Variants in MYCBP2 observed in about 807,000 individuals in gnomAD.
The protein encoded by MYCBP2 is MYC binding protein 2.
MYCBP2 carries 120 observed loss-of-function variants against 525.3 expected under a neutral mutation model. The observed-to-expected ratio is 0.23, with a 90% CI of 0.20 to 0.27. The LOEUF is 0.27. Ranked by LOEUF, MYCBP2 falls within the 10% of genes least tolerant of loss-of-function variation. The pLI is 1.00. For missense variants in MYCBP2, 4,149 were observed against 5,657.1 expected (o/e 0.73, Z 8.55); for synonymous variants, 1,894 against 1,955.8 (o/e 0.97, Z 0.83).
intron 73 of MYCBP2, 59 bp from the exon 74 acceptor site, chr13:77,062,756 G>A (rs549747269): frequency 5.1e-4 from 671 of 1,320,552 alleles, no homozygotes; most frequent in South Asian, 7.3e-4. Flanking sequence ...ATGAAATGCT[G>A]ACTGTGACAC....
intron 20 of MYCBP2, among the ~76,000 whole-genome samples, chr13:77,221,132 G>A (rs1387140036): frequency 1.3e-5 from 2 of 152,100 alleles, no homozygotes; most frequent in East Asian, 3.8e-4. Flanking sequence ...ATACCACTGT[G>A]TAGATCCTAC....
At chr13:77,321,539 T>C (rs1397469947) in intron 1 of MYCBP2, among the ~76,000 whole-genome samples, 3 of 152,256 alleles carry the variant, frequency 2.0e-5, no homozygotes, top group African/African-American at 7.2e-5. Context: ...AATTCTTACC[T>C]TGGTCTTCAA....
intron 69 of MYCBP2, among the ~76,000 whole-genome samples, chr13:77,070,033 T>A (rs2040904126): frequency 6.6e-6 from 1 of 152,198 alleles, no homozygotes. Context: ...GTTAACACTG[T>A]TAATTGCTCA....
At chr13:77,063,424 T>C (rs2039654566) in intron 73 of MYCBP2, among the ~76,000 whole-genome samples, 1 of 151,654 alleles carries the variant, frequency 6.6e-6, no homozygotes, top group African/African-American at 2.4e-5. Flanking sequence ...CCAGGTGTGG[T>C]GGTATATGCC....
intron 1 of MYCBP2, among the ~76,000 whole-genome samples, chr13:77,308,219 A>T (rs1338245158): frequency 6.6e-6 from 1 of 152,122 alleles, no homozygotes; most frequent in East Asian, 1.9e-4. Context: ...CATCTATTTA[A>T]CCAATAAAAT....
At chr13:77,309,242 T>A (rs770979576) in intron 1 of MYCBP2, among the ~76,000 whole-genome samples, 1 of 152,234 alleles carries the variant, frequency 6.6e-6, no homozygotes, top group African/African-American at 2.4e-5. Flanking sequence ...TGGCTCATTA[T>A]AATTTCTTAT....
At chr13:77,110,944 C>T (rs549574697) in intron 55 of MYCBP2, among the ~76,000 whole-genome samples, 64 of 152,174 alleles carry the variant, frequency 4.2e-4, no homozygotes, top group Middle Eastern at 3.4e-3. Flanking sequence ...TAAGACATAA[C>T]GGCTGCTGCT....
chr13:77,136,507 A>C (rs1453288213), intron 52 of MYCBP2, among the ~76,000 whole-genome samples: 1 of 152,180 alleles, frequency 6.6e-6, no homozygotes, highest in Non-Finnish European at 1.5e-5. Flanking sequence ...CTGTCACAGC[A>C]GCTCAGCAAC....
intron 1 of MYCBP2, among the ~76,000 whole-genome samples, chr13:77,320,683 T>C (rs964732800): frequency 6.6e-6 from 1 of 152,132 alleles, no homozygotes; most frequent in Non-Finnish European, 1.5e-5. Flanking sequence ...CTTACCCAAG[T>C]AATCAGATTT....
In MYCBP2 at chr13:77,061,318, G is replaced by A. The variant is rs2039253156; in HGVS notation, c.12904-17C>T. 6.3e-7 allele frequency: 1 copy of A among 1,578,420 alleles called. No individual in the cohort carries two copies. ...TTTGAAGACCTATTATTTCATTAAA[G>A]AACAGGGAAAAATATGCTTATTTAT... On this transcript the variant is annotated splice_polypyrimidine_tract_variant and intron_variant, in intron 75 of 82. Coordinates refer to ENST00000544440, the MANE Select transcript of MYCBP2 (RefSeq NM_015057.5).
intron 1 of MYCBP2, among the ~76,000 whole-genome samples, chr13:77,318,137 C>A (rs2154380737): frequency 6.6e-6 from 1 of 152,266 alleles, no homozygotes. Context: ...CAAATCCAAT[C>A]AAAATGAATC....
chr13:77,140,026 A>G, intron 51 of MYCBP2, 21 bp downstream of exon 51: 1 of 1,537,522 alleles, frequency 6.5e-7, no homozygotes, highest in Non-Finnish European at 8.9e-7. Context: ...ATTTACTACC[A>G]AAAGCTCCTT....
At chr13:77,165,464 G>T in intron 41 of MYCBP2, 73 bp from the exon 42 acceptor site, 2 of 1,079,042 alleles carry the variant, frequency 1.9e-6, no homozygotes, top group Non-Finnish European at 2.7e-6. Flanking sequence ...TTTATCCAAT[G>T]GACTTTCTCT....
chr13:77,236,089 A>G (rs917072934), intron 17 of MYCBP2, among the ~76,000 whole-genome samples: 6 of 152,338 alleles, frequency 3.9e-5, no homozygotes, highest in Non-Finnish European at 7.4e-5. Context: ...GGCTTAGAAG[A>G]TAAGACTGGA....
intron 55 of MYCBP2, among the ~76,000 whole-genome samples, chr13:77,102,376 T>C (rs1482013365): frequency 6.6e-6 from 1 of 151,598 alleles, no homozygotes; most frequent in Non-Finnish European, 1.5e-5. Context: ...TATCTATTTC[T>C]AAGAAAAAAA....
At position 77,099,034 on chromosome 13, in the gene MYCBP2, T is replaced by A. The variant is rs769341138; in HGVS notation, c.8141-21A>T. The stretch of plus-strand genomic sequence containing the variant: ...ATCACCTGTATGGTCCATTTTACAG[T>A]GAAACTTATTAATAAAATTATAACT... On this transcript the variant is annotated intron_variant, in intron 55 of 82. Transcript: ENST00000544440. 13 of 1,587,614 alleles carry A rather than the reference T, an allele frequency of 8.2e-6. No individual in the cohort carries two copies. In the Admixed American group the frequency reaches 2.0e-4, roughly 24 times the overall value.
intron 58 of MYCBP2, among the ~76,000 whole-genome samples, chr13:77,094,120 G>A (rs1426662324): frequency 3.3e-5 from 5 of 152,028 alleles, no homozygotes; most frequent in Non-Finnish European, 4.4e-5. Context: ...TCATTTTATT[G>A]TAATAGTAAG....
At chr13:77,084,262 G>A (rs1316739032) in intron 62 of MYCBP2, among the ~76,000 whole-genome samples, 1 of 152,120 alleles carries the variant, frequency 6.6e-6, no homozygotes, top group Non-Finnish European at 1.5e-5. Flanking sequence ...TCTCTAAGAA[G>A]CTGCTACTCC....
chr13:77,152,099 T>A (rs774569882), intron 46 of MYCBP2, among the ~76,000 whole-genome samples: 4 of 152,228 alleles, frequency 2.6e-5, no homozygotes, highest in Admixed American at 6.5e-5. Context: ...AACTACAGAC[T>A]GTCTTTATGT....
Sources: allele counts gnomAD v4.1 joint callset (sites outside exome capture counted in the v4.1 genomes callset), GRCh38; gene constraint gnomAD v4.1.1; transcripts MANE v1.5; gene names NCBI Gene and HGNC (gene_info 2026-07-23, HGNC 2026-07-21).